PCDHGB3: variants seen among roughly 807,000 people sequenced by gnomAD.
PCDHGB3 encodes the protein protocadherin gamma subfamily B, 3.
A neutral mutation model predicts 59.2 loss-of-function variants in PCDHGB3; 40 were observed. The ratio of observed to expected loss-of-function variants is 0.68; its 90% CI spans 0.52 to 0.88. The LOEUF (loss-of-function observed/expected upper bound fraction) is 0.88, where lower values mean the gene tolerates loss of function less well. PCDHGB3 is among the 40% of genes least tolerant of loss of function. The pLI is 0.00. For missense variants in PCDHGB3, 1,309 were observed against 1,187.9 expected (o/e 1.10, Z -1.50); for synonymous variants, 581 against 503.6 (o/e 1.15, Z -2.06).
At chr5:141,423,577 G>T (rs1348410879) in intron 1 of PCDHGB3, 1 of 1,613,478 alleles carries the variant, frequency 6.2e-7, no homozygotes, top group Admixed American at 1.7e-5. Flanking sequence ...CATCAGCCAG[G>T]AGAGCTGTGA....
chr5:141,393,927 C>T, intron 1 of PCDHGB3: 2 of 1,613,970 alleles, frequency 1.2e-6, no homozygotes, highest in South Asian at 1.1e-5. Context: ...CTTGAGTGTG[C>T]ATGACCAAGA....
At chr5:141,464,913 AT>A (rs1366203949) in intron 1 of PCDHGB3, among the ~76,000 whole-genome samples, 1 of 151,428 alleles carries the variant, frequency 6.6e-6, no homozygotes, top group Non-Finnish European at 1.5e-5. Context: ...TAATTTTTTT[AT>A]TTTTTTGTAG....
At chr5:141,374,748 G>T in intron 1 of PCDHGB3, 1 of 1,611,888 alleles carries the variant, frequency 6.2e-7, no homozygotes, top group Non-Finnish European at 8.5e-7. Flanking sequence ...GACCCTGTCC[G>T]CTCAAGCGTC....
chr5:141,381,901 C>T (rs1036292864), intron 1 of PCDHGB3, among the ~76,000 whole-genome samples: 24 of 130,248 alleles, frequency 1.8e-4, no homozygotes, highest in African/African-American at 6.8e-4. Flanking sequence ...GTGATCTCGG[C>T]TCACCACAAC....
chr5:141,471,637 T>G (rs1284100810), intron 1 of PCDHGB3: 1 of 152,198 alleles, frequency 6.6e-6, no homozygotes, highest in Non-Finnish European at 1.5e-5. Context: ...TATGGATTAG[T>G]AATATACTGG....
At chr5:141,413,128 CA>C in intron 1 of PCDHGB3, 1 of 1,534,686 alleles carries the variant, frequency 6.5e-7, no homozygotes, top group Non-Finnish European at 8.8e-7. Flanking sequence ...GGTTGAAACA[CA>C]CAACGTGTCC....
In PCDHGB3 at chr5:141,432,220, C is replaced by A. The variant is rs949257429; in HGVS notation, c.2415+59411C>A. ...CCGACTGTGAAGAGAACGCCCAGAT[C>A]ACTTATTCCCTGGCTGAGAACACCA... On this transcript the variant is annotated intron_variant, in intron 1 of 3. Coordinates refer to ENST00000576222, the MANE Select transcript of PCDHGB3 (RefSeq NM_018924.5). This position sits in a 1 kb window ranked among gnomAD's most constrained non-coding sequence, Gnocchi z 6.0. The A allele has an allele frequency of 2.5e-6, 4 of 1,614,246 alleles. No homozygotes were observed. The highest frequency in any genetic ancestry group is 1.6e-4 in the Middle Eastern group (1 of 6,062).
intron 1 of PCDHGB3, chr5:141,433,160 A>G: frequency 1.9e-6 from 3 of 1,613,848 alleles, no homozygotes; most frequent in Middle Eastern, 1.7e-4. Context: ...GGTATTTTCT[A>G]AAGACAGTCA....
intron 1 of PCDHGB3, chr5:141,405,544 C>T: frequency 1.6e-6 from 1 of 632,908 alleles, no homozygotes; most frequent in Non-Finnish European, 2.7e-6. Context: ...CTCAGCCTCC[C>T]AAGTAGAGTA....
At chr5:141,397,027 G>A (rs1374788251) in intron 1 of PCDHGB3, among the ~76,000 whole-genome samples, 1 of 152,200 alleles carries the variant, frequency 6.6e-6, no homozygotes, top group Non-Finnish European at 1.5e-5. Flanking sequence ...GTTGACCAAT[G>A]TCCACAAATT....
Position 141,419,293 on chromosome 5 carries a change from C to A in PCDHGB3, c.2415+46484C>A, listed in dbSNP as rs748856660. 1.5e-5 allele frequency: 25 copies of A among 1,614,026 alleles called. No individual in the cohort carries two copies. The African/African-American group carries it at 3.2e-4, about 21-fold the overall frequency. Reference sequence around the variant, plus strand: ...CCATAGCGCAAGTCAGTGCCTCTGACCCAGACTTCGGGCTCAACGGCCGTG... The same window carrying A: ...CCATAGCGCAAGTCAGTGCCTCTGAACCAGACTTCGGGCTCAACGGCCGTG... On this transcript the variant is annotated intron_variant, in intron 1 of 3. Transcript: ENST00000576222.
Position 141,489,216 on chromosome 5 carries a change from C to G in PCDHGB3, c.2416-5591C>G. The G allele has an allele frequency of 6.7e-7, 1 of 1,486,698 alleles. No individual in the cohort carries two copies. Among genetic ancestry groups the G allele is most frequent in the Non-Finnish European group, 9.1e-7 (1 of 1,103,260 alleles). 92.1% of individuals were successfully genotyped at this position (1,486,698 alleles called of 1,614,324 possible). ...TTGGAGACAGGACAGCACAGACTTA[C>G]TCTCCACAAAGGGACTTCTGGGTCA... On this transcript the variant is annotated intron_variant, in intron 1 of 3. Transcript: ENST00000576222. This position sits in a 1 kb window ranked among gnomAD's most constrained non-coding sequence, Gnocchi z 4.5.
At chr5:141,505,259 C>T in intron 2 of PCDHGB3, 134 bp from the exon 3 acceptor site, 2 of 1,500,262 alleles carry the variant, frequency 1.3e-6, no homozygotes, top group Admixed American at 2.0e-5. Flanking sequence ...GTGCCTCCTA[C>T]CTTGCTGAGA....
intron 1 of PCDHGB3, chr5:141,478,822 T>C: frequency 4.2e-6 from 6 of 1,444,070 alleles, no homozygotes; most frequent in Non-Finnish European, 5.5e-6. Flanking sequence ...AACTAACCAA[T>C]CTTGCTAAGG....
chr5:141,425,835 T>C (rs536839515), intron 1 of PCDHGB3, among the ~76,000 whole-genome samples: 1 of 152,256 alleles, frequency 6.6e-6, no homozygotes, highest in Admixed American at 6.5e-5. Flanking sequence ...TTTTAAATTC[T>C]CTTTGCTGGG....
intron 1 of PCDHGB3, chr5:141,415,653 G>C (rs947379829): frequency 1.4e-5 from 22 of 1,539,304 alleles, no homozygotes; most frequent in Non-Finnish European, 1.9e-5. Context: ...AAAAAAAAAA[G>C]ATTGGTTTTT....
At chr5:141,482,611 G>T (rs1016481108) in intron 1 of PCDHGB3, among the ~76,000 whole-genome samples, 1 of 150,398 alleles carries the variant, frequency 6.6e-6, no homozygotes, top group Admixed American at 6.6e-5. Context: ...ACACCTAAAT[G>T]AGCCTGGAGA....
intron 1 of PCDHGB3, chr5:141,374,743 T>A: frequency 6.2e-7 from 1 of 1,611,970 alleles, no homozygotes; most frequent in Non-Finnish European, 8.5e-7. Context: ...GCGGCGACCC[T>A]GTCCGCTCAA....
At chr5:141,374,135 A>G (rs564020884) in intron 1 of PCDHGB3, 17 of 1,605,796 alleles carry the variant, frequency 1.1e-5, no homozygotes, top group Non-Finnish European at 1.4e-5. Context: ...CCTGCTCCTC[A>G]CGCTCCTGGG....
Sources: allele counts gnomAD v4.1 joint callset (sites outside exome capture counted in the v4.1 genomes callset), GRCh38; gene constraint gnomAD v4.1.1; non-coding constraint Gnocchi (gnomAD v3.1); transcripts MANE v1.5; gene names NCBI Gene and HGNC (gene_info 2026-07-23, HGNC 2026-07-21).